The following UPRT variants were observed in gnomAD, a reference collection of about 807,000 sequenced individuals.
The protein encoded by UPRT is uracil phosphoribosyltransferase homolog, also known as RP11-311P8.3.
Under a neutral mutation model 22.6 loss-of-function variants are expected in UPRT, and 5 were observed. The observed-to-expected ratio is 0.22, with a 90% CI of 0.12 to 0.47. The LOEUF is 0.47. Among genes scored for constraint, UPRT ranks in the 20% least tolerant of loss-of-function variants. The probability of loss-of-function intolerance (pLI) is 0.99; values close to 1 mark genes in which losing one functional copy is unlikely to be tolerated. For missense variants in UPRT, 181 were observed against 239.9 expected (o/e 0.75, Z 1.62); for synonymous variants, 77 against 87.7 (o/e 0.88, Z 0.68).
chrX:75,251,863 G>C (rs1196921930), intron 4 of UPRT, among the ~76,000 whole-genome samples: 30 of 110,754 alleles, frequency 2.7e-4, no homozygotes, highest in African/African-American at 9.8e-4. Context: ...CCAAAACAGA[G>C]ATATAGACCA....
intron 4 of UPRT, among the ~76,000 whole-genome samples, chrX:75,225,194 TAG>T (rs1278690212): frequency 4.5e-5 from 5 of 110,865 alleles, no homozygotes; most frequent in Non-Finnish European, 9.4e-5. Flanking sequence ...TGGGGGTTGG[TAG>T]AGACTCATGC....
At chrX:75,258,042 T>C (rs1427761458) in intron 4 of UPRT, among the ~76,000 whole-genome samples, 2 of 109,907 alleles carry the variant, frequency 1.8e-5, no homozygotes, top group Non-Finnish European at 3.8e-5. Context: ...CCTTGAGGAA[T>C]GGTGCACTCT....
At chrX:75,157,044 A>G (rs1326987839) in intron 1 of UPRT, among the ~76,000 whole-genome samples, 1 of 112,081 alleles carries the variant, frequency 8.9e-6, no homozygotes, top group Non-Finnish European at 1.9e-5. Context: ...TGGTAAAGTG[A>G]AATGTATGGA....
chrX:75,261,652 A>C (rs959883762), intron 4 of UPRT, among the ~76,000 whole-genome samples: 1 of 112,101 alleles, frequency 8.9e-6, no homozygotes, highest in Admixed American at 9.5e-5. Context: ...AAAAGAGGGA[A>C]TCCTCCCTAA....
chrX:75,194,268 T>C (rs2082325782), intron 4 of UPRT, among the ~76,000 whole-genome samples: 1 of 111,891 alleles, frequency 8.9e-6, no homozygotes, highest in African/African-American at 3.3e-5. Context: ...GCTCTAACTC[T>C]TAGGAGTGGG....
intron 2 of UPRT, among the ~76,000 whole-genome samples, chrX:75,161,368 T>G (rs933238043): frequency 2.8e-4 from 32 of 112,977 alleles, no homozygotes; most frequent in Non-Finnish European, 3.9e-4. Context: ...TAGAGGGTTT[T>G]AATAATAGTT....
intron 4 of UPRT, among the ~76,000 whole-genome samples, chrX:75,210,939 G>C (rs2082378755): frequency 9.0e-6 from 1 of 111,439 alleles, no homozygotes; most frequent in Non-Finnish European, 1.9e-5. Context: ...GGTTACACTA[G>C]GGCTAGGCAA....
At chrX:75,182,311 G>A (rs1322883199) in intron 4 of UPRT, among the ~76,000 whole-genome samples, 1 of 111,726 alleles carries the variant, frequency 9.0e-6, no homozygotes, top group African/African-American at 3.3e-5. Flanking sequence ...TTGGTCTGAA[G>A]TTTTCTTTTA....
At chrX:75,162,734 G>A (rs4418497) in intron 2 of UPRT, among the ~76,000 whole-genome samples, 2 of 111,279 alleles carry the variant, frequency 1.8e-5, no homozygotes, top group Admixed American at 9.6e-5. Flanking sequence ...TTATGTTTGA[G>A]GGAGCCTCTC....
chrX:75,253,579 T>C (rs1421748487), intron 4 of UPRT, among the ~76,000 whole-genome samples: 3 of 111,786 alleles, frequency 2.7e-5, no homozygotes, highest in Non-Finnish European at 5.6e-5. Context: ...AGGAGTAGAT[T>C]GCAGTGCTGA....
At chrX:75,260,093 G>A (rs1476883128) in intron 4 of UPRT, among the ~76,000 whole-genome samples, 2 of 111,886 alleles carry the variant, frequency 1.8e-5, no homozygotes, top group Non-Finnish European at 3.8e-5. Flanking sequence ...CCTTACAAGA[G>A]CTCCTGAAGG....
chrX:75,255,901 A>G (rs776576927), intron 4 of UPRT, among the ~76,000 whole-genome samples: 4 of 111,958 alleles, frequency 3.6e-5, no homozygotes, highest in Non-Finnish European at 3.8e-5. Context: ...TTAGACAGCA[A>G]ACACAATAAT....
chrX:75,248,819 G>T lies in UPRT; in HGVS notation c.-446-42205G>T, dbSNP rs183419807. 2.3e-4 allele frequency among the ~76,000 whole-genome samples: 26 copies of T among 111,937 alleles called. No individual in the cohort carries two copies. In the East Asian group the frequency reaches 6.7e-3, roughly 29 times the overall value. On this transcript the variant is annotated intron_variant, in intron 4 of 13. Coordinates refer to the UPRT transcript ENST00000652605. ...AAGGGCAGCCAGAGAGAAAGGTCGG[G>T]TTATCCACAAAGGGAAGCCCATCAG... is the stretch of plus-strand genomic sequence containing the variant.
intron 1 of UPRT, among the ~76,000 whole-genome samples, chrX:75,286,767 T>C (rs1041558340): frequency 8.9e-6 from 1 of 111,931 alleles, no homozygotes; most frequent in African/African-American, 3.3e-5. Flanking sequence ...GTAGTAAGCA[T>C]TCCCTTATTA....
chrX:75,285,742 AGGTGCAGGTAAATAGTTATT>A (rs1354676917), intron 1 of UPRT, among the ~76,000 whole-genome samples: 1 of 110,852 alleles, frequency 9.0e-6, no homozygotes, highest in Admixed American at 9.6e-5. Flanking sequence ...TGCAGCTTTG[AGGTGCAGGTAAATAGTTATT>A]GACACTCTGT....
upstream of UPRT, among the ~76,000 whole-genome samples, chrX:75,269,627 C>T (rs1362722211): frequency 9.0e-6 from 1 of 111,361 alleles, no homozygotes; most frequent in Non-Finnish European, 1.9e-5. Flanking sequence ...TGATTTTTGA[C>T]AAATCTGACA....
intron 4 of UPRT, among the ~76,000 whole-genome samples, chrX:75,179,255 G>C (rs1238438055): frequency 1.8e-5 from 2 of 111,441 alleles, no homozygotes; most frequent in Admixed American, 9.4e-5. Context: ...ACAGGGTGCT[G>C]ATTGGTGTAT....
At chrX:75,233,335 G>A (rs748682753) in intron 4 of UPRT, among the ~76,000 whole-genome samples, 1 of 111,542 alleles carries the variant, frequency 9.0e-6, no homozygotes, top group South Asian at 3.8e-4. Flanking sequence ...GTGACGGGGA[G>A]AATGGAACCA....
In UPRT at chrX:75,297,418, C is replaced by T. The variant is rs1480745931; in HGVS notation, c.500-73C>T. The T allele has an allele frequency of 2.8e-5, 30 of 1,070,818 alleles. No individual in the cohort carries two copies. The Admixed American group carries it at 3.1e-4, about 11-fold the overall frequency. 88.2% of individuals were successfully genotyped at this position (1,070,818 alleles called of 1,213,427 possible). A position where few individuals can be genotyped will look rare whatever the true frequency, so the allele number is the denominator to read the frequency against. On this transcript the variant is annotated intron_variant, in intron 3 of 6. Coordinates refer to ENST00000373383, the MANE Select transcript of UPRT (RefSeq NM_145052.4). ...TGCTTTGTGCCCATCTACTTTAAAC[C>T]GTAGACACTTTATAAAATATGTAGG... is the stretch of plus-strand genomic sequence containing the variant.
Sources: gnomAD v4.1 joint callset for allele counts (sites outside exome capture counted in the v4.1 genomes callset) on GRCh38, gnomAD v4.1.1 for gene constraint, MANE v1.5 for transcripts, NCBI Gene and HGNC (gene_info 2026-07-23, HGNC 2026-07-21) for gene names.